SLC35D1: variants seen among roughly 807,000 people sequenced by gnomAD.
SLC35D1 encodes solute carrier family 35 member D1.
In SLC35D1, 31 loss-of-function variants were observed where a neutral mutation model predicts 46.7. That is an observed-to-expected ratio of 0.66 (90% CI 0.50 to 0.90). The LOEUF is 0.90. Ranked by LOEUF, SLC35D1 falls within the 40% of genes least tolerant of loss-of-function variation. The pLI is 0.00. For missense variants in SLC35D1, 397 were observed against 426.2 expected, an observed-to-expected ratio of 0.93 and a Z score of 0.60; for synonymous variants, 195 against 164.6, an observed-to-expected ratio of 1.18 and a Z score of -1.41.
chr1:67,045,283 T>C (rs1645239891), intron 7 of SLC35D1, among the ~76,000 whole-genome samples: 1 of 152,268 alleles, frequency 6.6e-6, no homozygotes. Flanking sequence ...TAGGGCATCA[T>C]CATAAACATG....
In SLC35D1 at chr1:67,042,289, A is replaced by G. The variant is rs779294973; in HGVS notation, c.676T>C (p.Phe226Leu). ...KYGLLYYNAL[F>L]MILPTLAIAY... Reference sequence around the variant, plus strand: ...ATGGCCAGGGTGGGCAGAATCATGAACAGTGCATTGTAATAGAGCAGTCCA... The same window carrying G: ...ATGGCCAGGGTGGGCAGAATCATGAGCAGTGCATTGTAATAGAGCAGTCCA... The change falls in exon 8 of 12, where the codon TTC (phenylalanine) becomes CTC (leucine). Residue 226 changes from phenylalanine (F) to leucine (L), a missense_variant. Physicochemically the swap from Phe to Leu is conservative, Grantham distance 22. Transcript: ENST00000235345. 2 of 1,614,050 alleles carry G rather than the reference A, an allele frequency of 1.2e-6. No individual in the cohort carries two copies. Among genetic ancestry groups the G allele is most frequent in the South Asian group, 2.2e-5 (2 of 91,090 alleles).
At chr1:67,035,194 G>C (rs540915404) in intron 8 of SLC35D1, among the ~76,000 whole-genome samples, 1 of 152,204 alleles carries the variant, frequency 6.6e-6, no homozygotes, top group South Asian at 2.1e-4. Flanking sequence ...TTTGGTATCA[G>C]GGTAACACTG....
At chr1:66,976,201 A>C in the SLC35D1 span, among the ~76,000 whole-genome samples, 347 of 151,856 alleles carry the variant, frequency 2.3e-3, 5 homozygotes, top group African/African-American at 7.9e-3. Context: ...ATGGGGTTTC[A>C]CCATCTTGGC....
chr1:67,051,098 C>T (rs373823742), intron 4 of SLC35D1, among the ~76,000 whole-genome samples: 3 of 152,304 alleles, frequency 2.0e-5, no homozygotes, highest in African/African-American at 7.2e-5. Context: ...TCTACACAAG[C>T]AGCACTTTGC....
intron 10 of SLC35D1, among the ~76,000 whole-genome samples, chr1:67,014,275 C>A (rs1195185528): frequency 1.3e-5 from 2 of 152,174 alleles, no homozygotes; most frequent in Non-Finnish European, 1.5e-5. Flanking sequence ...AATATAAATT[C>A]TCTCTCTGCA....
At chr1:67,031,201 T>A (rs1055317970) in intron 8 of SLC35D1, among the ~76,000 whole-genome samples, 17 of 152,188 alleles carry the variant, frequency 1.1e-4, no homozygotes, top group African/African-American at 7.2e-5. Context: ...ACTTTTTTTT[T>A]ATTTCTCTAA....
intron 10 of SLC35D1, among the ~76,000 whole-genome samples, chr1:67,018,431 G>T (rs1258321514): frequency 3.9e-5 from 6 of 152,068 alleles, no homozygotes; most frequent in Non-Finnish European, 8.8e-5. Flanking sequence ...ATATATTAGG[G>T]TATCCTAAGC....
At chr1:67,036,747 G>A (rs1161164358) in intron 8 of SLC35D1, among the ~76,000 whole-genome samples, 1 of 147,936 alleles carries the variant, frequency 6.8e-6, no homozygotes, top group East Asian at 2.0e-4. Context: ...TTTAGCTACT[G>A]TATGTCTTTT....
At chr1:67,011,144 T>C (rs1273187252) in intron 10 of SLC35D1, among the ~76,000 whole-genome samples, 2 of 152,302 alleles carry the variant, frequency 1.3e-5, no homozygotes, top group South Asian at 2.1e-4. Context: ...AACTTCAAGA[T>C]AGTATATAAG....
intron 8 of SLC35D1, among the ~76,000 whole-genome samples, chr1:67,036,003 C>T (rs373107554): frequency 3.4e-4 from 51 of 151,940 alleles, no homozygotes; most frequent in African/African-American, 1.1e-3. Context: ...AAAAATCCCT[C>T]GTTATTAACT....
chr1:67,045,089 A>G (rs1198258978), intron 7 of SLC35D1, among the ~76,000 whole-genome samples: 1 of 152,198 alleles, frequency 6.6e-6, no homozygotes, highest in Non-Finnish European at 1.5e-5. Context: ...AGCCAGAGAC[A>G]TGAGTGTTAT....
intron 3 of SLC35D1, among the ~76,000 whole-genome samples, chr1:67,052,431 A>G (rs1645319506): frequency 6.6e-6 from 1 of 152,204 alleles, no homozygotes; most frequent in African/African-American, 2.4e-5. Flanking sequence ...TTTGGAGTCA[A>G]GCAGAGGCAG....
chr1:67,029,492 C>T (rs975560979), intron 8 of SLC35D1, among the ~76,000 whole-genome samples: 12 of 152,230 alleles, frequency 7.9e-5, no homozygotes, highest in Non-Finnish European at 4.4e-5. Context: ...AGGAGACCAG[C>T]TTCTGCTAGC....
At chr1:67,048,509 T>C (rs1034422978) in intron 6 of SLC35D1, among the ~76,000 whole-genome samples, 21 of 152,214 alleles carry the variant, frequency 1.4e-4, no homozygotes, top group African/African-American at 4.8e-4. Flanking sequence ...AGTAACCAAT[T>C]ACGCCACTCT....
chr1:66,992,318 T>C, the SLC35D1 span, among the ~76,000 whole-genome samples: 2 of 152,158 alleles, frequency 1.3e-5, no homozygotes, highest in African/African-American at 4.8e-5. Flanking sequence ...TCTACATAAC[T>C]GGCAGAGACA....
intron 11 of SLC35D1, among the ~76,000 whole-genome samples, chr1:67,005,469 C>T (rs1667428331): frequency 6.6e-6 from 1 of 152,192 alleles, no homozygotes. Flanking sequence ...TCGCATAATA[C>T]TAGCCATTCT....
chr1:67,009,296 C>G, intron 10 of SLC35D1, 129 bp from the exon 11 acceptor site: 1 of 395,176 alleles, frequency 2.5e-6, no homozygotes, highest in South Asian at 4.1e-5. Context: ...AATGAAAACG[C>G]ACCAACCCTA....
chr1:67,045,393 T>C (rs1645242070), intron 7 of SLC35D1, among the ~76,000 whole-genome samples: 1 of 152,366 alleles, frequency 6.6e-6, no homozygotes, highest in East Asian at 1.9e-4. Flanking sequence ...GGCTGTTTAA[T>C]AGACCCTGTA....
chr1:67,005,902 T>C (rs2102229334), intron 11 of SLC35D1, among the ~76,000 whole-genome samples: 1 of 152,334 alleles, frequency 6.6e-6, no homozygotes, highest in South Asian at 2.1e-4. Context: ...TCTCTTGCAA[T>C]TGGCCTGACA....
Sources: allele counts gnomAD v4.1 joint callset (sites outside exome capture counted in the v4.1 genomes callset), GRCh38; gene constraint gnomAD v4.1.1; transcripts MANE v1.5; gene names NCBI Gene and HGNC (gene_info 2026-07-23, HGNC 2026-07-21).